SYTL5: variants seen among roughly 807,000 people sequenced by gnomAD.
SYTL5 encodes synaptotagmin-like protein 5.
Under a neutral mutation model 55.9 loss-of-function variants are expected in SYTL5, and 34 were observed. The ratio of observed to expected loss-of-function variants is 0.61; its 90% CI spans 0.46 to 0.81. The LOEUF is 0.81. Ranked by LOEUF, SYTL5 falls within the 30% of genes least tolerant of loss-of-function variation. SYTL5 has a pLI of 0.00. For synonymous variants in SYTL5, 221 were observed against 188.7 expected (o/e 1.17, Z -1.40); for missense variants, 637 against 546.7 (o/e 1.17, Z -1.65).
intron 13 of SYTL5, among the ~76,000 whole-genome samples, chrX:38,117,631 G>A (rs1024159075): frequency 5.4e-5 from 6 of 111,658 alleles, no homozygotes; most frequent in African/African-American, 2.0e-4. Flanking sequence ...GGTTTCTGGC[G>A]CCACTGCAGC....
chrX:37,938,608 T>C, the SYTL5 span, among the ~76,000 whole-genome samples: 14 of 111,180 alleles, frequency 1.3e-4, no homozygotes, highest in Admixed American at 1.9e-4. Context: ...TGTCATATTC[T>C]CTCTCTCTGT....
At chrX:38,100,452 T>G (rs1937053412) in intron 9 of SYTL5, among the ~76,000 whole-genome samples, 1 of 111,524 alleles carries the variant, frequency 9.0e-6, no homozygotes, top group Non-Finnish European at 1.9e-5. Context: ...TGACGTTAAG[T>G]GACAACTTAC....
chrX:37,894,871 C>T, the SYTL5 span, among the ~76,000 whole-genome samples: 1 of 110,884 alleles, frequency 9.0e-6, no homozygotes, highest in South Asian at 3.8e-4. Context: ...GACACTCCTG[C>T]TTGTGTCTGC....
At chrX:38,022,401 G>T (rs1045705696) in intron 1 of SYTL5, among the ~76,000 whole-genome samples, 7 of 112,297 alleles carry the variant, frequency 6.2e-5, no homozygotes, top group African/African-American at 1.9e-4. Flanking sequence ...TCCAAAATGA[G>T]TCTTGGGAGA....
chrX:37,987,624 T>C, the SYTL5 span, among the ~76,000 whole-genome samples: 1 of 111,720 alleles, frequency 9.0e-6, no homozygotes, highest in Non-Finnish European at 1.9e-5. Flanking sequence ...AGGAAAGGCT[T>C]TATTAGGAGG....
At chrX:37,983,891 T>A in the SYTL5 span, among the ~76,000 whole-genome samples, 61 of 111,678 alleles carry the variant, frequency 5.5e-4, no homozygotes, top group African/African-American at 1.9e-3. Context: ...TAAAAAACAA[T>A]GGGTGGAAGA....
the SYTL5 span, among the ~76,000 whole-genome samples, chrX:37,997,760 G>A: frequency 3.6e-5 from 4 of 112,507 alleles, no homozygotes; most frequent in Admixed American, 9.3e-5. Context: ...TTGAGGCCCC[G>A]AGTTCAGGCC....
At chrX:38,019,779 G>T (rs1465837583) in intron 1 of SYTL5, among the ~76,000 whole-genome samples, 2 of 110,903 alleles carry the variant, frequency 1.8e-5, no homozygotes, top group Non-Finnish European at 3.8e-5. Context: ...GGGACTACAG[G>T]TGTGTGCCAC....
chrX:38,094,167 A>T, intron 7 of SYTL5, 128 bp from the exon 8 acceptor site: 1 of 576,681 alleles, frequency 1.7e-6, no homozygotes, highest in Non-Finnish European at 2.5e-6. Context: ...GGTCCTTCAA[A>T]TGTCAATTAG....
intron 3 of SYTL5, among the ~76,000 whole-genome samples, chrX:38,058,181 T>C (rs1159046405): frequency 9.0e-6 from 1 of 111,514 alleles, no homozygotes; most frequent in Non-Finnish European, 1.9e-5. Context: ...AATTATGCAG[T>C]GGCTGATTTG....
the SYTL5 span, among the ~76,000 whole-genome samples, chrX:37,958,275 G>T: frequency 1.8e-5 from 2 of 110,731 alleles, no homozygotes; most frequent in Non-Finnish European, 3.8e-5. Flanking sequence ...CATAGTTCTA[G>T]AGGTTAGGAA....
the SYTL5 span, among the ~76,000 whole-genome samples, chrX:37,992,112 C>A: frequency 8.9e-6 from 1 of 112,224 alleles, no homozygotes; most frequent in African/African-American, 3.2e-5. Context: ...TTATAATTAC[C>A]ATATATTGCA....
chrX:37,952,006 A>C, the SYTL5 span, among the ~76,000 whole-genome samples: 12 of 110,935 alleles, frequency 1.1e-4, no homozygotes, highest in African/African-American at 3.3e-4. Context: ...AGAAATACAG[A>C]GGGGGCTCTG....
At chrX:38,000,667 C>T in the SYTL5 span, among the ~76,000 whole-genome samples, 2 of 112,604 alleles carry the variant, frequency 1.8e-5, no homozygotes, top group Non-Finnish European at 3.8e-5. Flanking sequence ...GGACAGAGGG[C>T]TTTCTGTATC....
chrX:38,043,966 T>C (rs943417118), intron 2 of SYTL5, among the ~76,000 whole-genome samples: 3 of 109,613 alleles, frequency 2.7e-5, no homozygotes, highest in Non-Finnish European at 5.7e-5. Context: ...TTGTGATTCA[T>C]ATTTTGAATA....
chrX:38,117,544 C>A (rs904263750), intron 13 of SYTL5, among the ~76,000 whole-genome samples: 1 of 112,206 alleles, frequency 8.9e-6, no homozygotes, highest in Non-Finnish European at 1.9e-5. Flanking sequence ...CTTAAACCTT[C>A]GGGGCTTACA....
At chrX:37,896,585 G>C in the SYTL5 span, among the ~76,000 whole-genome samples, 1 of 111,688 alleles carries the variant, frequency 9.0e-6, no homozygotes, top group East Asian at 2.8e-4. Context: ...ATGCTGAGAT[G>C]ACCATGTGAA....
chrX:38,016,358 G>A (rs749429855), intron 1 of SYTL5, among the ~76,000 whole-genome samples: 1 of 111,534 alleles, frequency 9.0e-6, no homozygotes, highest in Non-Finnish European at 1.9e-5. Context: ...GAGCAGAAAT[G>A]TTGTTCATCT....
chrX:37,917,320 C>T, the SYTL5 span, among the ~76,000 whole-genome samples: 1 of 111,422 alleles, frequency 9.0e-6, no homozygotes, highest in African/African-American at 3.3e-5. Context: ...TTTTTCTGCC[C>T]TTTAAGATTT....
Sources: gnomAD v4.1 joint callset for allele counts (sites outside exome capture counted in the v4.1 genomes callset) on GRCh38, gnomAD v4.1.1 for gene constraint, MANE v1.5 for transcripts, NCBI Gene and HGNC (gene_info 2026-07-23, HGNC 2026-07-21) for gene names.